Variants in AGBL1 observed in about 807,000 individuals in gnomAD.
AGBL1 encodes the protein cytosolic carboxypeptidase 4.
Under a neutral mutation model 118.9 loss-of-function variants are expected in AGBL1, and 130 were observed. The observed-to-expected ratio is 1.09, with a 90% CI of 0.95 to 1.26. AGBL1 has a LOEUF of 1.26. Ranked by LOEUF, AGBL1 falls within the 50% of genes most tolerant of loss-of-function variation. The probability of loss-of-function intolerance (pLI) is 0.00; values close to 1 mark genes in which losing one functional copy is unlikely to be tolerated. For missense variants in AGBL1, 1,584 were observed against 1,298.1 expected (o/e 1.22, Z -3.38); for synonymous variants, 555 against 478.9 (o/e 1.16, Z -2.08).
chr15:86,125,482 G>T (rs1431099812), intron 1 of AGBL1, among the ~76,000 whole-genome samples: 1 of 152,146 alleles, frequency 6.6e-6, no homozygotes, highest in Non-Finnish European at 1.5e-5. Context: ...CTCCCATTCT[G>T]CTGGCATCCT....
intron 22 of AGBL1, among the ~76,000 whole-genome samples, chr15:86,769,170 T>TGAGA (rs1555448304): frequency 1.6e-5 from 1 of 60,932 alleles, no homozygotes; most frequent in Non-Finnish European, 4.6e-5. Context: ...CTTCTCATTT[T>TGAGA]GAGAGGGAGA....
At position 86,642,830 on chromosome 15, in the gene AGBL1, C is replaced by T. The variant is rs117842603; in HGVS notation, c.2995-31443C>T. Among the ~76,000 whole-genome samples, 320 of 152,166 alleles carry T rather than the reference C, an allele frequency of 2.1e-3. 7 individuals carry two copies. In the East Asian group the frequency reaches 0.05, roughly 24 times the overall value. On this transcript the variant is annotated intron_variant, in intron 21 of 22. Transcript: ENST00000614907. ...CTTTACCAAGAGCACTGGGTAGCTA[C>T]CATCTTTTTCTGTGCTTTAGGAGGA...
At chr15:86,797,088 C>T (rs181830848) in intron 22 of AGBL1, among the ~76,000 whole-genome samples, 299 of 152,290 alleles carry the variant, frequency 2.0e-3, no homozygotes, top group Non-Finnish European at 3.2e-3. Flanking sequence ...CTGTGAAGTG[C>T]CCATTAGAAT....
chr15:86,616,764 G>A (rs1025546241), intron 21 of AGBL1, among the ~76,000 whole-genome samples: 1 of 152,022 alleles, frequency 6.6e-6, no homozygotes, highest in African/African-American at 2.4e-5. Context: ...CATATACTTC[G>A]CTTGTCCATC....
At chr15:86,950,576 T>C (rs1008766094) in intron 23 of AGBL1, among the ~76,000 whole-genome samples, 15 of 151,378 alleles carry the variant, frequency 9.9e-5, no homozygotes, top group Non-Finnish European at 4.4e-5. Flanking sequence ...TATTTATTTA[T>C]AAGTTAAGCT....
intron 17 of AGBL1, among the ~76,000 whole-genome samples, chr15:86,297,864 A>G (rs1176963438): frequency 6.6e-6 from 1 of 152,098 alleles, no homozygotes; most frequent in African/African-American, 2.4e-5. Flanking sequence ...CCTTTGTTAT[A>G]ACACATGTTC....
intron 18 of AGBL1, among the ~76,000 whole-genome samples, chr15:86,399,866 T>A (rs2081419274): frequency 6.6e-6 from 1 of 152,208 alleles, no homozygotes; most frequent in Admixed American, 6.5e-5. Context: ...AAAATTACCT[T>A]TTCATTTATA....
At chr15:86,525,216 A>C (rs1003709313) in intron 19 of AGBL1, among the ~76,000 whole-genome samples, 4 of 152,194 alleles carry the variant, frequency 2.6e-5, no homozygotes, top group African/African-American at 9.6e-5. Context: ...CTACAACAAG[A>C]ACCACAAAAC....
intron 22 of AGBL1, among the ~76,000 whole-genome samples, chr15:86,796,439 T>C (rs934132832): frequency 6.6e-6 from 1 of 152,208 alleles, no homozygotes; most frequent in Non-Finnish European, 1.5e-5. Context: ...GGGTCAAAGA[T>C]AAAAACTGTA....
intron 24 of AGBL1, among the ~76,000 whole-genome samples, chr15:87,010,671 C>G (rs2081550034): frequency 6.6e-6 from 1 of 152,188 alleles, no homozygotes; most frequent in Non-Finnish European, 1.5e-5. Flanking sequence ...GAGAATTACA[C>G]CATTACCTTC....
In AGBL1 at chr15:86,292,108, A is replaced by G. The variant is rs148101827; in HGVS notation, c.2221-3147A>G. On this transcript the variant is annotated intron_variant, in intron 16 of 22. Coordinates refer to ENST00000614907, the MANE Select transcript of AGBL1 (RefSeq NM_001386094.1). ...GGACCTCCAAAATGTCCACATCGCA[A>G]TCCTGTGAAGATGTTACTTTACATG... Among the ~76,000 whole-genome samples the G allele has an allele frequency of 3.5e-4, 54 of 152,304 alleles. No individual in the cohort carries two copies. In the East Asian group the frequency reaches 9.5e-3, roughly 27 times the overall value.
At chr15:86,474,961 A>C (rs1029108648) in intron 18 of AGBL1, among the ~76,000 whole-genome samples, 1 of 152,248 alleles carries the variant, frequency 6.6e-6, no homozygotes, top group Non-Finnish European at 1.5e-5. Flanking sequence ...ACCCAGGCAA[A>C]AGGGTCTGGA....
chr15:86,938,320 A>T (rs1004657111), intron 23 of AGBL1, among the ~76,000 whole-genome samples: 1 of 152,198 alleles, frequency 6.6e-6, no homozygotes, highest in African/African-American at 2.4e-5. Context: ...GGACACAGAT[A>T]TGATGGCTTG....
chr15:86,893,785 A>G (rs375619442), intron 22 of AGBL1, among the ~76,000 whole-genome samples: 3 of 152,184 alleles, frequency 2.0e-5, no homozygotes, highest in South Asian at 2.1e-4. Flanking sequence ...TCGAGTGACT[A>G]TGTGTGAGGT....
intron 17 of AGBL1, among the ~76,000 whole-genome samples, chr15:86,396,187 GTATA>G (rs2081358942): frequency 6.8e-6 from 1 of 146,210 alleles, no homozygotes; most frequent in Non-Finnish European, 1.5e-5. Flanking sequence ...ATATATATGT[GTATA>G]TATATAAAAT....
intron 21 of AGBL1, among the ~76,000 whole-genome samples, chr15:86,605,741 C>T (rs986216892): frequency 7.0e-6 from 1 of 142,576 alleles, no homozygotes; most frequent in African/African-American, 2.7e-5. Context: ...GACGTGGACT[C>T]AGGCTGTATG....
chr15:86,462,174 C>T (rs998371724), intron 18 of AGBL1, among the ~76,000 whole-genome samples: 14 of 152,102 alleles, frequency 9.2e-5, no homozygotes, highest in Non-Finnish European at 1.8e-4. Context: ...CTGTCATTTC[C>T]AGAAAGCGTA....
At chr15:86,586,764 T>C (rs1233773054) in intron 21 of AGBL1, among the ~76,000 whole-genome samples, 1 of 152,120 alleles carries the variant, frequency 6.6e-6, no homozygotes, top group Non-Finnish European at 1.5e-5. Flanking sequence ...TTATAAGTCA[T>C]AGGAAGGTTT....
At chr15:86,152,877 G>T (rs1597464083) in intron 3 of AGBL1, among the ~76,000 whole-genome samples, 1 of 152,178 alleles carries the variant, frequency 6.6e-6, no homozygotes. Context: ...CTTAAAAGAA[G>T]ACATTTATGC....
Sources: allele counts gnomAD v4.1 joint callset (sites outside exome capture counted in the v4.1 genomes callset), GRCh38; gene constraint gnomAD v4.1.1; transcripts MANE v1.5; gene names NCBI Gene and HGNC (gene_info 2026-07-23, HGNC 2026-07-21).